Variants in MYO10 observed in about 807,000 individuals in gnomAD.
MYO10 encodes the protein myosin X.
Under a neutral mutation model 257.3 loss-of-function variants are expected in MYO10, and 133 were observed. That is an observed-to-expected ratio of 0.52 (90% CI 0.45 to 0.60). The LOEUF (loss-of-function observed/expected upper bound fraction) is 0.60, where lower values mean the gene tolerates loss of function less well. Among genes scored for constraint, MYO10 ranks in the 20% least tolerant of loss-of-function variants. The probability of loss-of-function intolerance (pLI) is 0.00; values close to 1 mark genes in which losing one functional copy is unlikely to be tolerated. For synonymous variants in MYO10, 1,104 were observed against 1,028.6 expected (o/e 1.07, Z -1.40); for missense variants, 2,399 against 2,635.7 (o/e 0.91, Z 1.97).
chr5:16,919,195 T>C (rs1745910385), intron 1 of MYO10, among the ~76,000 whole-genome samples: 1 of 150,830 alleles, frequency 6.6e-6, no homozygotes, highest in South Asian at 2.1e-4. Flanking sequence ...CTGGCCAACA[T>C]GGTGAAACCC....
intron 2 of MYO10, among the ~76,000 whole-genome samples, chr5:16,837,793 C>T (rs1035204176): frequency 3.9e-5 from 6 of 152,164 alleles, no homozygotes; most frequent in African/African-American, 1.2e-4. Flanking sequence ...ACAGACACTG[C>T]ATTTTCTTAC....
intron 1 of MYO10, among the ~76,000 whole-genome samples, chr5:16,886,906 T>C (rs1369098957): frequency 7.4e-6 from 1 of 135,984 alleles, no homozygotes; most frequent in African/African-American, 2.8e-5. Context: ...CACTCCAGCA[T>C]GGGTGCCAGA....
chr5:16,914,009 C>T (rs564085582), intron 1 of MYO10, among the ~76,000 whole-genome samples: 4 of 152,288 alleles, frequency 2.6e-5, no homozygotes, highest in African/African-American at 7.2e-5. Flanking sequence ...ACCTGGGCTC[C>T]TCCCTGGAAA....
At chr5:16,689,121 C>T (rs761384756) in intron 28 of MYO10, among the ~76,000 whole-genome samples, 2 of 152,222 alleles carry the variant, frequency 1.3e-5, no homozygotes, top group Admixed American at 6.5e-5. Context: ...ACAAATGATA[C>T]TAACCGTTCT....
intron 3 of MYO10, 49 bp downstream of exon 3, chr5:16,817,960 T>C: frequency 1.5e-6 from 2 of 1,322,128 alleles, no homozygotes; most frequent in East Asian, 5.5e-5. Flanking sequence ...AAAATAAGCA[T>C]TCACTCAAAC....
At chr5:16,885,292 C>T (rs541197416) in intron 1 of MYO10, among the ~76,000 whole-genome samples, 1 of 152,036 alleles carries the variant, frequency 6.6e-6, no homozygotes, top group South Asian at 2.1e-4. Flanking sequence ...GATGCTGTCT[C>T]AACTCCCAAA....
At chr5:16,739,867 A>G (rs1051513550) in intron 19 of MYO10, among the ~76,000 whole-genome samples, 2 of 152,222 alleles carry the variant, frequency 1.3e-5, no homozygotes, top group Non-Finnish European at 2.9e-5. Flanking sequence ...TTTTATAATC[A>G]GTAAGAATCG....
intron 33 of MYO10, among the ~76,000 whole-genome samples, chr5:16,678,060 T>C (rs1008624680): frequency 6.6e-6 from 1 of 152,084 alleles, no homozygotes; most frequent in Non-Finnish European, 1.5e-5. Context: ...CATGCCCAGC[T>C]GAAAAATCCT....
At chr5:16,700,338 A>T (rs1041479847) in intron 25 of MYO10, among the ~76,000 whole-genome samples, 1 of 152,198 alleles carries the variant, frequency 6.6e-6, no homozygotes, top group Non-Finnish European at 1.5e-5. Flanking sequence ...TTGTAAAAAA[A>T]GGGAAGGAAG....
At chr5:16,825,904 G>A (rs1315173097) in intron 2 of MYO10, among the ~76,000 whole-genome samples, 3 of 151,994 alleles carry the variant, frequency 2.0e-5, no homozygotes, top group South Asian at 2.1e-4. Context: ...CAGCACTTTC[G>A]GAAGCCAAGG....
At chr5:16,668,956 T>A (rs1205737025) in intron 39 of MYO10, among the ~76,000 whole-genome samples, 1 of 152,184 alleles carries the variant, frequency 6.6e-6, no homozygotes, top group Non-Finnish European at 1.5e-5. Context: ...TGAGCAGTTC[T>A]GGCTCCTCTT....
intron 28 of MYO10, among the ~76,000 whole-genome samples, chr5:16,688,160 G>A (rs1272343661): frequency 6.6e-6 from 1 of 152,160 alleles, no homozygotes; most frequent in Non-Finnish European, 1.5e-5. Flanking sequence ...AACCACATGT[G>A]GTCTCCAGGA....
intron 37 of MYO10, among the ~76,000 whole-genome samples, 165 bp downstream of exon 37, chr5:16,672,523 AG>A (rs1415938220): frequency 4.6e-5 from 7 of 152,188 alleles, no homozygotes; most frequent in African/African-American, 1.7e-4. Context: ...CTAGGAATCG[AG>A]AAAAATAGCG....
intron 7 of MYO10, 38 bp from the exon 8 acceptor site, chr5:16,780,646 C>A: frequency 6.5e-7 from 1 of 1,549,782 alleles, no homozygotes; most frequent in Non-Finnish European, 8.8e-7. Context: ...AGAGATGTGT[C>A]CTGTGCTTAA....
chr5:16,866,317 A>G (rs1744248198), intron 2 of MYO10, among the ~76,000 whole-genome samples: 1 of 152,180 alleles, frequency 6.6e-6, no homozygotes, highest in Admixed American at 6.5e-5. Flanking sequence ...CTGCGGAAAA[A>G]CATTTGTATT....
chr5:16,931,965 T>G (rs2126809304), intron 1 of MYO10, among the ~76,000 whole-genome samples: 1 of 152,320 alleles, frequency 6.6e-6, no homozygotes, highest in Admixed American at 6.5e-5. Context: ...GGAACTCTAC[T>G]CACTTAAAAA....
chr5:16,676,101 G>A lies in MYO10; in HGVS notation c.4596C>T (p.Ile1532=), dbSNP rs774278229. Residue 1532 remains isoleucine, a synonymous_variant, in exon 34 of 41, where the codon ATC becomes ATT. Coordinates refer to ENST00000513610, the MANE Select transcript of MYO10 (RefSeq NM_012334.3). ...VVEQIYKRNP[I]LRYTHHPLHS... ...GCAAGGGGTGATGGGTGTATCGAAG[G>A]ATCGGGTTCCGCTTGTAAATCTGTT... is the stretch of plus-strand genomic sequence containing the variant. The A allele has an allele frequency of 1.6e-5, 26 of 1,613,570 alleles. No individual in the cohort carries two copies. The highest frequency in any genetic ancestry group is 2.2e-5 in the Non-Finnish European group (26 of 1,179,758).
chr5:16,932,565 G>A (rs1315190932), intron 1 of MYO10, among the ~76,000 whole-genome samples: 1 of 152,118 alleles, frequency 6.6e-6, no homozygotes, highest in Non-Finnish European at 1.5e-5. Flanking sequence ...GAAAAAACAA[G>A]CTTCCCCAAA....
chr5:16,760,461 C>CA (rs1160701199), intron 17 of MYO10, among the ~76,000 whole-genome samples: 955 of 84,940 alleles, frequency 0.011, 6 homozygotes, highest in African/African-American at 0.026. Flanking sequence ...ACCCTGTCTC[C>CA]AAAAAAAAAA....
Sources: allele counts gnomAD v4.1 joint callset (sites outside exome capture counted in the v4.1 genomes callset), GRCh38; gene constraint gnomAD v4.1.1; transcripts MANE v1.5; gene names NCBI Gene and HGNC (gene_info 2026-07-23, HGNC 2026-07-21).